PLCXD3: variants seen among roughly 807,000 people sequenced by gnomAD.
The protein encoded by PLCXD3 is PI-PLC X domain-containing protein 3.
In PLCXD3, 19 loss-of-function variants were observed where a neutral mutation model predicts 25.5. The ratio of observed to expected loss-of-function variants is 0.75; its 90% confidence interval spans 0.52 to 1.09. The LOEUF (loss-of-function observed/expected upper bound fraction) is 1.09, where lower values mean the gene tolerates loss of function less well. Among genes scored for constraint, PLCXD3 ranks in the 50% least tolerant of loss-of-function variants. The pLI, the probability that PLCXD3 is intolerant of heterozygous loss-of-function variation, is 0.00. For missense variants in PLCXD3, 411 were observed against 388.1 expected, an observed-to-expected ratio of 1.06 and a Z score of -0.50; for synonymous variants, 174 against 137.6, an observed-to-expected ratio of 1.26 and a Z score of -1.85.
chr5:41,370,191 CT>C (rs1217317280), intron 2 of PLCXD3, among the ~76,000 whole-genome samples: 1 of 152,136 alleles, frequency 6.6e-6, no homozygotes, highest in Non-Finnish European at 1.5e-5. Context: ...AATCAAGTCT[CT>C]AGCCATTCTT....
intron 1 of PLCXD3, among the ~76,000 whole-genome samples, chr5:41,465,528 A>G (rs949353703): frequency 1.3e-5 from 2 of 151,920 alleles, no homozygotes; most frequent in African/African-American, 4.8e-5. Context: ...TCAATGTTCA[A>G]TGCATTCTCT....
intron 2 of PLCXD3, among the ~76,000 whole-genome samples, chr5:41,327,323 C>T (rs1254882879): frequency 6.6e-6 from 1 of 152,116 alleles, no homozygotes; most frequent in Non-Finnish European, 1.5e-5. Context: ...CTTCCTTTGA[C>T]ATGCTGTGGA....
At chr5:41,413,650 T>C (rs1274666795) in intron 1 of PLCXD3, among the ~76,000 whole-genome samples, 1 of 152,210 alleles carries the variant, frequency 6.6e-6, no homozygotes, top group Non-Finnish European at 1.5e-5. Context: ...TTAACTGGAT[T>C]AGCTTCTTGG....
chr5:41,325,089 G>A (rs564372436), intron 2 of PLCXD3, among the ~76,000 whole-genome samples: 1 of 152,314 alleles, frequency 6.6e-6, no homozygotes, highest in African/African-American at 2.4e-5. Flanking sequence ...CCCACGGAGA[G>A]GTTAGGAGAA....
intron 2 of PLCXD3, among the ~76,000 whole-genome samples, chr5:41,364,001 G>A (rs990454179): frequency 2.0e-5 from 3 of 152,160 alleles, no homozygotes; most frequent in Non-Finnish European, 4.4e-5. Context: ...AAAAGTAAAT[G>A]ACTGTCACAA....
chr5:41,493,166 G>T (rs1748743822), intron 1 of PLCXD3, among the ~76,000 whole-genome samples: 1 of 152,202 alleles, frequency 6.6e-6, no homozygotes, highest in Admixed American at 6.5e-5. Context: ...ACCCTCAGCT[G>T]CAGGTCTGTT....
intron 1 of PLCXD3, among the ~76,000 whole-genome samples, chr5:41,443,132 C>G (rs1419351192): frequency 6.7e-6 from 1 of 148,408 alleles, no homozygotes; most frequent in Non-Finnish European, 1.5e-5. Flanking sequence ...TCATATATAC[C>G]CAATAGTCAT....
At chr5:41,475,668 G>T (rs764050448) in intron 1 of PLCXD3, 1 of 534,724 alleles carries the variant, frequency 1.9e-6, no homozygotes, top group Admixed American at 1.9e-5. Context: ...CGCCACCTGT[G>T]GCTGTCTGCC....
chr5:41,382,770 T>C (rs1745510771), intron 1 of PLCXD3, among the ~76,000 whole-genome samples: 1 of 152,138 alleles, frequency 6.6e-6, no homozygotes, highest in South Asian at 2.1e-4. Context: ...TCCTTATAAT[T>C]AAATTTAAAA....
In PLCXD3 at chr5:41,322,296, C is replaced by G. The variant is rs146192816; in HGVS notation, c.813-8526G>C. ...TGAACAGACATTTCTCAAAAGAAGA[C>G]ATACAAATGGCAAACAGACATATGA... On this transcript the variant is annotated intron_variant, in intron 2 of 2. Coordinates refer to ENST00000377801, the MANE Select transcript of PLCXD3 (RefSeq NM_001005473.3). Among the ~76,000 whole-genome samples the G allele has an allele frequency of 4.6e-3, 696 of 152,256 alleles. 9 individuals are homozygous for G. Among genetic ancestry groups the G allele is most frequent in the African/African-American group, 0.016 (661 of 41,558 alleles).
chr5:41,336,593 A>T (rs887313619), intron 2 of PLCXD3, among the ~76,000 whole-genome samples: 4 of 152,268 alleles, frequency 2.6e-5, no homozygotes, highest in African/African-American at 9.6e-5. Flanking sequence ...GAGAGTGCTC[A>T]TTCTTCTAGC....
At chr5:41,462,459 T>A (rs1747909543) in intron 1 of PLCXD3, among the ~76,000 whole-genome samples, 1 of 152,000 alleles carries the variant, frequency 6.6e-6, no homozygotes, top group Non-Finnish European at 1.5e-5. Flanking sequence ...CACTTGGGAC[T>A]TATTTTCATA....
chr5:41,415,487 C>T (rs1561266819), intron 1 of PLCXD3, among the ~76,000 whole-genome samples: 1 of 152,198 alleles, frequency 6.6e-6, no homozygotes, highest in African/African-American at 2.4e-5. Flanking sequence ...AGAAATGACT[C>T]TCTTGTGTTG....
At chr5:41,383,328 A>G (rs1745538342) in intron 1 of PLCXD3, among the ~76,000 whole-genome samples, 1 of 152,110 alleles carries the variant, frequency 6.6e-6, no homozygotes. Flanking sequence ...AATTTAGAAG[A>G]ATTTCTTCCT....
chr5:41,325,564 T>C (rs1269417521), intron 2 of PLCXD3, among the ~76,000 whole-genome samples: 2 of 152,218 alleles, frequency 1.3e-5, no homozygotes, highest in Non-Finnish European at 2.9e-5. Flanking sequence ...GCTTTACATG[T>C]GAAAAGAAAA....
intron 1 of PLCXD3, among the ~76,000 whole-genome samples, chr5:41,397,625 C>G (rs918330206): frequency 6.6e-6 from 1 of 152,198 alleles, no homozygotes; most frequent in Non-Finnish European, 1.5e-5. Flanking sequence ...AAGAGAGACA[C>G]AATCCTCCAG....
intron 2 of PLCXD3, among the ~76,000 whole-genome samples, chr5:41,320,424 A>T (rs929815914): frequency 1.3e-5 from 2 of 152,262 alleles, no homozygotes; most frequent in African/African-American, 4.8e-5. Context: ...ACCATTCATC[A>T]TGACCAATTG....
intron 1 of PLCXD3, among the ~76,000 whole-genome samples, chr5:41,492,361 C>G (rs1461419877): frequency 2.6e-5 from 4 of 152,086 alleles, no homozygotes; most frequent in Non-Finnish European, 5.9e-5. Flanking sequence ...TCTGGCTGCC[C>G]TTAACATTTT....
chr5:41,435,348 T>A (rs1747222455), intron 1 of PLCXD3, among the ~76,000 whole-genome samples: 2 of 152,156 alleles, frequency 1.3e-5, no homozygotes, highest in Non-Finnish European at 2.9e-5. Flanking sequence ...AATCTTCTGA[T>A]AAACATACTT....
Sources: allele counts gnomAD v4.1 joint callset (sites outside exome capture counted in the v4.1 genomes callset), GRCh38; gene constraint gnomAD v4.1.1; transcripts MANE v1.5; gene names NCBI Gene and HGNC (gene_info 2026-07-23, HGNC 2026-07-21).